KLHL13: variants seen among roughly 807,000 people sequenced by gnomAD.
KLHL13 encodes the protein kelch like family member 13.
A neutral mutation model predicts 37.1 loss-of-function variants in KLHL13; 10 were observed. The ratio of observed to expected loss-of-function variants is 0.27; its 90% confidence interval spans 0.17 to 0.46. The LOEUF is 0.46. KLHL13 is among the 20% of genes least tolerant of loss of function. KLHL13 has a pLI of 1.00. For synonymous variants in KLHL13, 163 were observed against 181.2 expected (o/e 0.90, Z 0.81); for missense variants, 360 against 509.3 (o/e 0.71, Z 2.82).
At chrX:118,029,390 A>G (rs149005983) in intron 1 of KLHL13, among the ~76,000 whole-genome samples, 5,885 of 111,828 alleles carry the variant, frequency 0.053, 381 homozygotes, top group African/African-American at 0.18. Flanking sequence ...AAAATAGCGG[A>G]TAGAAATATT....
At chrX:118,001,097 T>C (rs980370503) in intron 1 of KLHL13, among the ~76,000 whole-genome samples, 30 of 112,060 alleles carry the variant, frequency 2.7e-4, no homozygotes, top group African/African-American at 8.8e-4. Flanking sequence ...GTTAGCTTTC[T>C]GGTAGATAAT....
exon 2 of KLHL13, chrX:117,945,524 G>T (rs768169737): frequency 8.3e-7 from 1 of 1,205,767 alleles, no homozygotes; most frequent in African/African-American, 1.8e-5. Flanking sequence ...GGCCCATTTC[G>T]CTGCCTCCAA....
At chrX:117,963,605 A>C (rs1186553340) in intron 1 of KLHL13, among the ~76,000 whole-genome samples, 4 of 102,192 alleles carry the variant, frequency 3.9e-5, no homozygotes, top group African/African-American at 1.4e-4. Context: ...GCTGGGTCAA[A>C]TGGTATTTCT....
intron 1 of KLHL13, among the ~76,000 whole-genome samples, chrX:118,097,451 C>A (rs1218572931): frequency 9.0e-6 from 1 of 111,632 alleles, no homozygotes; most frequent in Non-Finnish European, 1.9e-5. Context: ...AATGAAAGAA[C>A]ATTCCATGCT....
At chrX:117,971,953 C>T (rs961126796) in intron 1 of KLHL13, among the ~76,000 whole-genome samples, 4 of 111,688 alleles carry the variant, frequency 3.6e-5, no homozygotes, top group Non-Finnish European at 5.7e-5. Context: ...GGATCATGAA[C>T]AATACTTTAA....
intron 1 of KLHL13, among the ~76,000 whole-genome samples, chrX:118,045,394 A>G (rs966390185): frequency 9.1e-6 from 1 of 109,849 alleles, no homozygotes; most frequent in African/African-American, 3.3e-5. Context: ...AAAAAGAAAG[A>G]AAAAGAAATG....
chrX:117,995,625 A>C (rs775676505), intron 1 of KLHL13, among the ~76,000 whole-genome samples: 43 of 110,860 alleles, frequency 3.9e-4, no homozygotes, highest in Non-Finnish European at 6.2e-4. Flanking sequence ...CAACTCCAAA[A>C]TAAAACCCAT....
chrX:117,998,323 T>C (rs887657902), intron 1 of KLHL13, among the ~76,000 whole-genome samples: 1 of 111,995 alleles, frequency 8.9e-6, no homozygotes, highest in African/African-American at 3.2e-5. Context: ...AGATCTTTAA[T>C]TGGTTGCAAC....
intron 1 of KLHL13, among the ~76,000 whole-genome samples, chrX:117,990,296 C>A (rs934448353): frequency 1.8e-5 from 2 of 110,857 alleles, no homozygotes; most frequent in South Asian, 7.7e-4. Context: ...GTGAATGGAT[C>A]AATAGGTGAC....
intron 1 of KLHL13, among the ~76,000 whole-genome samples, chrX:118,013,574 G>A (rs982482750): frequency 8.9e-6 from 1 of 111,940 alleles, no homozygotes; most frequent in African/African-American, 3.2e-5. Flanking sequence ...TACGTTGGTC[G>A]AGGAAACTAA....
intron 1 of KLHL13, among the ~76,000 whole-genome samples, chrX:118,023,817 C>G (rs1411003501): frequency 4.5e-5 from 5 of 111,380 alleles, no homozygotes; most frequent in African/African-American, 1.6e-4. Flanking sequence ...GATAATCCAC[C>G]CTCCTCAACC....
chrX:117,996,989 G>A (rs867997893), intron 1 of KLHL13, among the ~76,000 whole-genome samples: 1 of 111,194 alleles, frequency 9.0e-6, no homozygotes, highest in Non-Finnish European at 1.9e-5. Flanking sequence ...CATCCATCTT[G>A]ACTTTCTAAG....
intron 1 of KLHL13, among the ~76,000 whole-genome samples, chrX:118,048,942 A>T (rs946281680): frequency 8.9e-6 from 1 of 112,041 alleles, no homozygotes; most frequent in Admixed American, 9.5e-5. Context: ...AGTTCAAGCA[A>T]TTTTATTCAT....
chrX:117,966,505 A>G (rs1206371355), intron 1 of KLHL13, among the ~76,000 whole-genome samples: 1 of 111,610 alleles, frequency 9.0e-6, no homozygotes, highest in Non-Finnish European at 1.9e-5. Flanking sequence ...TATAGATTCA[A>G]TGCCATCCCC....
chrX:118,054,136 T>C (rs1569304396), intron 1 of KLHL13, among the ~76,000 whole-genome samples: 1 of 111,257 alleles, frequency 9.0e-6, no homozygotes, highest in Non-Finnish European at 1.9e-5. Flanking sequence ...GCTTTCAATT[T>C]GGGATGCGTT....
At position 117,948,174 on chromosome X, in the gene KLHL13, A is replaced by G. The variant is rs73215066; in HGVS notation, c.99-2599T>C. On this transcript the variant is annotated intron_variant, in intron 1 of 6. Transcript: ENST00000262820. Reference sequence around the variant, plus strand: ...AGGTCAAAGCTGTTCTTAGGCAAAAAAGTCAAGTGCCAAAGGTGAGAAATC... The same window carrying G: ...AGGTCAAAGCTGTTCTTAGGCAAAAGAGTCAAGTGCCAAAGGTGAGAAATC... Among the ~76,000 whole-genome samples, 274 of 111,873 alleles carry G rather than the reference A, an allele frequency of 2.4e-3. 1 individual carries two copies. The highest frequency in any genetic ancestry group is 5.2e-3 in the Admixed American group (55 of 10,514).
intron 1 of KLHL13, among the ~76,000 whole-genome samples, chrX:117,989,441 A>G (rs10465420): frequency 0.15 from 16,551 of 107,982 alleles, 1,781 homozygotes; most frequent in African/African-American, 0.37. Context: ...CATTTTAAGG[A>G]AAAACTACAA....
Position 118,071,006 on chromosome X carries a change from G to A in KLHL13, c.-56+45502C>T, listed in dbSNP as rs1227212788. Among the ~76,000 whole-genome samples, 5 of 109,035 alleles carry A rather than the reference G, an allele frequency of 4.6e-5. No individual in the cohort carries two copies. The East Asian group carries it at 1.4e-3, about 31-fold the overall frequency. The allele number at this position is 109,035 out of a possible 115,157, so 94.7% of individuals were successfully genotyped here. ...CCACCTATGAGTGAGAATATGTGGTGTTTGGTTTTTTCTTCTTGCGATAGT... is the reference window on the plus strand; with the variant it reads ...CCACCTATGAGTGAGAATATGTGGTATTTGGTTTTTTCTTCTTGCGATAGT... On this transcript the variant is annotated intron_variant, in intron 1 of 6. Coordinates refer to the KLHL13 transcript ENST00000371882.
At chrX:117,901,572 T>G (rs976593566) in intron 6 of KLHL13, among the ~76,000 whole-genome samples, 2 of 107,531 alleles carry the variant, frequency 1.9e-5, no homozygotes, top group Non-Finnish European at 3.8e-5. Flanking sequence ...TGGCGCAATC[T>G]CGGCTCACTG....
Sources: allele counts gnomAD v4.1 joint callset (sites outside exome capture counted in the v4.1 genomes callset), GRCh38; gene constraint gnomAD v4.1.1; transcripts MANE v1.5; gene names NCBI Gene and HGNC (gene_info 2026-07-23, HGNC 2026-07-21).